Variants in NSMCE2 observed in about 807,000 individuals in gnomAD.
NSMCE2 encodes NSE2 SUMO ligase component of SMC5/6 complex.
NSMCE2 carries 24 observed loss-of-function variants against 23.8 expected under a neutral mutation model. The observed-to-expected ratio is 1.01, with a 90% confidence interval of 0.73 to 1.42. The LOEUF is 1.42. Among genes scored for constraint, NSMCE2 ranks in the 40% most tolerant of loss-of-function variants. The pLI is 0.00. For missense variants in NSMCE2, 284 were observed against 296.5 expected, an observed-to-expected ratio of 0.96 and a Z score of 0.31; for synonymous variants, 92 against 94.1, an observed-to-expected ratio of 0.98 and a Z score of 0.13.
intron 1 of NSMCE2, among the ~76,000 whole-genome samples, chr8:125,098,472 C>T (rs541445004): frequency 2.8e-4 from 42 of 152,172 alleles, no homozygotes; most frequent in African/African-American, 9.9e-4. Context: ...CGTACATTTT[C>T]AAAGGTTTAC....
chr8:125,102,481 A>G lies in NSMCE2; in HGVS notation c.151A>G (p.Ser51Gly). The G allele has an allele frequency of 3.7e-6, 6 of 1,613,374 alleles. No homozygotes were observed. Among genetic ancestry groups the G allele is most frequent in the Non-Finnish European group, 4.2e-6 (5 of 1,179,350 alleles). Residue 51 changes from serine to glycine, a missense_variant, in exon 3 of 8, where the codon AGT becomes GGT. Around this residue, in one of 2 missense-constraint regions of NSMCE2, gnomAD observed 182 missense variants for 155.5 expected, o/e 1.17. Transcript: ENST00000287437. ...TAGTGTTGCTTTGGATCTTGTGGAA[A>G]GTCAGAGTAAGTAAAATTAAAACCT... ...ASSVALDLVESQTEVSSEYSM... is the reference protein window; with the variant it reads ...ASSVALDLVEGQTEVSSEYSM...
At chr8:125,349,583 TAAAA>T (rs11359401) in intron 5 of NSMCE2, among the ~76,000 whole-genome samples, 4 of 143,826 alleles carry the variant, frequency 2.8e-5, no homozygotes, top group African/African-American at 2.6e-5. Flanking sequence ...AGCTTGTATT[TAAAA>T]AAAAAAAAAA....
chr8:125,184,241 A>G (rs1053640437), intron 5 of NSMCE2, among the ~76,000 whole-genome samples: 3 of 152,194 alleles, frequency 2.0e-5, no homozygotes, highest in Non-Finnish European at 4.4e-5. Context: ...TTATTATTCC[A>G]CAAGGTAAAG....
At chr8:125,278,118 G>A (rs1827548124) in intron 5 of NSMCE2, among the ~76,000 whole-genome samples, 1 of 152,166 alleles carries the variant, frequency 6.6e-6, no homozygotes, top group South Asian at 2.1e-4. Flanking sequence ...ATTGATTATA[G>A]TTAAATGATG....
At chr8:125,178,132 A>C (rs937441741) in intron 4 of NSMCE2, among the ~76,000 whole-genome samples, 5 of 152,204 alleles carry the variant, frequency 3.3e-5, no homozygotes, top group African/African-American at 1.2e-4. Flanking sequence ...CCAGGCATTA[A>C]CAATAGTAAT....
chr8:125,096,601 A>G (rs894873063), intron 1 of NSMCE2, among the ~76,000 whole-genome samples: 12 of 138,648 alleles, frequency 8.7e-5, no homozygotes, highest in Non-Finnish European at 1.6e-4. Flanking sequence ...GAAGCTCACT[A>G]CCAAATGTGT....
intron 4 of NSMCE2, among the ~76,000 whole-genome samples, chr8:125,171,596 G>A (rs1036375028): frequency 6.6e-6 from 1 of 152,200 alleles, no homozygotes; most frequent in Non-Finnish European, 1.5e-5. Context: ...ATAGTTGAGA[G>A]CAGCTGCTGC....
chr8:125,236,646 CTT>C (rs1563736056), intron 5 of NSMCE2, among the ~76,000 whole-genome samples: 2 of 152,104 alleles, frequency 1.3e-5, no homozygotes, highest in Admixed American at 1.3e-4. Flanking sequence ...GGAACTTAGA[CTT>C]TTTGCTTTAT....
intron 5 of NSMCE2, among the ~76,000 whole-genome samples, chr8:125,266,098 T>TC (rs896759722): frequency 1.3e-5 from 2 of 150,628 alleles, no homozygotes; most frequent in Non-Finnish European, 3.0e-5. Flanking sequence ...TTTTCTTTTT[T>TC]TTTTTTTTTT....
intron 5 of NSMCE2, among the ~76,000 whole-genome samples, chr8:125,280,268 G>A (rs1402592413): frequency 6.6e-6 from 1 of 152,188 alleles, no homozygotes; most frequent in East Asian, 1.9e-4. Flanking sequence ...ACTTAGTCTT[G>A]TGTTTATAAC....
At chr8:125,250,520 C>T (rs1020620780) in intron 5 of NSMCE2, among the ~76,000 whole-genome samples, 1 of 152,114 alleles carries the variant, frequency 6.6e-6, no homozygotes. Context: ...CTAAAAACAA[C>T]CTGCTTTTAC....
intron 5 of NSMCE2, among the ~76,000 whole-genome samples, chr8:125,257,383 A>C (rs928252231): frequency 6.6e-5 from 10 of 152,028 alleles, no homozygotes; most frequent in Non-Finnish European, 1.5e-4. Flanking sequence ...AAGAAGGAGG[A>C]GTCATCTCAG....
rs546346782 is a variant in NSMCE2, at chr8:125,199,701, G to A, written c.418+17445G>A. Among the ~76,000 whole-genome samples, 3 of 152,256 alleles carry A rather than the reference G, an allele frequency of 2.0e-5. No homozygotes were observed. The South Asian group carries it at 6.2e-4, about 32-fold the overall frequency. ...TAGATGTCTATTAGGTCTGCTTGGT[G>A]CAGAGCTGAGTTCAAGTCCTGGATA... On this transcript the variant is annotated intron_variant, in intron 5 of 7. Transcript: ENST00000287437.
At position 125,166,252 on chromosome 8, in the gene NSMCE2, T is replaced by G. The variant is rs111793039; in HGVS notation, c.264+14975T>G. Reference sequence around the variant, plus strand: ...ATCTTTTCAGTTACTGTAGTCATACTAAATAGGTTTTGTTGTTGTTGTTGT... The same window carrying G: ...ATCTTTTCAGTTACTGTAGTCATACGAAATAGGTTTTGTTGTTGTTGTTGT... On this transcript the variant is annotated intron_variant, in intron 4 of 7. Transcript: ENST00000287437. Among the ~76,000 whole-genome samples the G allele has an allele frequency of 3.0e-3, 455 of 152,312 alleles. 2 individuals are homozygous for G. Among genetic ancestry groups the G allele is most frequent in the African/African-American group, 0.01 (429 of 41,582 alleles).
At chr8:125,223,845 G>A (rs1018559715) in intron 5 of NSMCE2, among the ~76,000 whole-genome samples, 1 of 136,662 alleles carries the variant, frequency 7.3e-6, no homozygotes, top group Admixed American at 7.9e-5. Flanking sequence ...AGGGTCTTGC[G>A]CTGTCACGCA....
intron 5 of NSMCE2, among the ~76,000 whole-genome samples, chr8:125,226,451 C>T (rs886626947): frequency 2.6e-5 from 4 of 152,076 alleles, no homozygotes; most frequent in Non-Finnish European, 5.9e-5. Context: ...GGACAGAAAG[C>T]GGAGAGGTGT....
chr8:125,283,037 C>A (rs993965471), intron 5 of NSMCE2, among the ~76,000 whole-genome samples: 3 of 152,008 alleles, frequency 2.0e-5, no homozygotes, highest in Non-Finnish European at 2.9e-5. Context: ...AGCTGTGTGA[C>A]CTTGGGTATA....
intron 5 of NSMCE2, among the ~76,000 whole-genome samples, chr8:125,355,004 A>G (rs1263310568): frequency 6.6e-6 from 1 of 152,214 alleles, no homozygotes; most frequent in Non-Finnish European, 1.5e-5. Context: ...TATGTGTGTA[A>G]GCTTTATATG....
At chr8:125,349,281 G>A (rs940802344) in intron 5 of NSMCE2, among the ~76,000 whole-genome samples, 12 of 152,136 alleles carry the variant, frequency 7.9e-5, no homozygotes, top group African/African-American at 1.7e-4. Context: ...GCACATTAGC[G>A]TGACCCCCAA....
Sources: gnomAD v4.1 joint callset for allele counts (sites outside exome capture counted in the v4.1 genomes callset) on GRCh38, gnomAD v4.1.1 for gene constraint, gnomAD v4.1.1 regional missense constraint, MANE v1.5 for transcripts, NCBI Gene and HGNC (gene_info 2026-07-23, HGNC 2026-07-21) for gene names.